The following L3MBTL4 variants were observed in gnomAD, a reference collection of about 807,000 sequenced individuals.
L3MBTL4 encodes the protein L3MBTL histone methyl-lysine binding protein 4, also known as lethal(3)malignant brain tumor-like protein 4.
Under a neutral mutation model 84.5 loss-of-function variants are expected in L3MBTL4, and 70 were observed. The ratio of observed to expected loss-of-function variants is 0.83; its 90% confidence interval spans 0.68 to 1.01. The LOEUF (loss-of-function observed/expected upper bound fraction) is 1.01, where lower values mean the gene tolerates loss of function less well. Ranked by LOEUF, L3MBTL4 falls within the 50% of genes least tolerant of loss-of-function variation. The pLI, the probability that L3MBTL4 is intolerant of heterozygous loss-of-function variation, is 0.00. For synonymous variants in L3MBTL4, 274 were observed against 259.8 expected (o/e 1.05, Z -0.52); for missense variants, 715 against 754.8 (o/e 0.95, Z 0.62).
intron 16 of L3MBTL4, chr18:6,029,290 G>A (rs909005391): frequency 1.1e-5 from 3 of 272,308 alleles, no homozygotes; most frequent in African/African-American, 2.3e-5. Flanking sequence ...TGTCTGCCCA[G>A]GAGTATGCTT....
chr18:6,188,092 C>A (rs1221982919), intron 12 of L3MBTL4, among the ~76,000 whole-genome samples: 1 of 151,946 alleles, frequency 6.6e-6, no homozygotes, highest in Non-Finnish European at 1.5e-5. Flanking sequence ...TCAAGTCTAT[C>A]CATTAATTCC....
chr18:6,255,336 C>T (rs528481763), intron 5 of L3MBTL4, among the ~76,000 whole-genome samples: 1 of 152,336 alleles, frequency 6.6e-6, no homozygotes, highest in East Asian at 1.9e-4. Context: ...AAAAAGCAGT[C>T]CTGATCTGAC....
At chr18:6,275,754 A>G (rs2049053303) in intron 4 of L3MBTL4, among the ~76,000 whole-genome samples, 1 of 152,220 alleles carries the variant, frequency 6.6e-6, no homozygotes, top group African/African-American at 2.4e-5. Flanking sequence ...GAAATCATCA[A>G]TGTTTTATTC....
chr18:6,340,968 T>G (rs920316397), intron 1 of L3MBTL4, among the ~76,000 whole-genome samples: 2 of 152,060 alleles, frequency 1.3e-5, no homozygotes, highest in Non-Finnish European at 2.9e-5. Context: ...AGGCCTGGCT[T>G]TGTGGGATTG....
In L3MBTL4 at chr18:5,955,177, C is replaced by A. The variant is rs1415120369; in HGVS notation, c.*1043G>T. ...TGGGACTGATTCCACACAACTTAAG[C>A]CTCCGATACAATCACTTACAAAAAA... is the stretch of plus-strand genomic sequence containing the variant. On this transcript the variant is annotated 3_prime_UTR_variant, in exon 19 of 19. Transcript: ENST00000317931. 1.3e-5 allele frequency: 2 copies of A among 152,326 alleles called. No homozygotes were observed. The highest frequency in any genetic ancestry group is 2.1e-4 in the South Asian group (1 of 4,824). 9.4% of individuals were successfully genotyped at this position (152,326 alleles called of 1,614,324 possible). A position where few individuals can be genotyped will look rare whatever the true frequency, so the allele number is the denominator to read the frequency against.
intron 1 of L3MBTL4, among the ~76,000 whole-genome samples, chr18:6,336,044 C>T (rs1330034618): frequency 6.6e-6 from 1 of 152,066 alleles, no homozygotes; most frequent in Non-Finnish European, 1.5e-5. Context: ...CACAGGCCAG[C>T]CCTGTGATGT....
At chr18:6,345,215 C>CAAAAAAAAAA (rs35502624) in intron 1 of L3MBTL4, among the ~76,000 whole-genome samples, 34 of 38,394 alleles carry the variant, frequency 8.9e-4, no homozygotes, top group South Asian at 1.2e-3. Flanking sequence ...TACTAAAATA[C>CAAAAAAAAAA]AAAAAAAAAA....
intron 10 of L3MBTL4, among the ~76,000 whole-genome samples, chr18:6,230,326 TG>T (rs2046944993): frequency 6.6e-6 from 1 of 152,152 alleles, no homozygotes; most frequent in South Asian, 2.1e-4. Context: ...AGTGAGAACA[TG>T]GGATATTCTG....
At chr18:6,238,646 G>T (rs1373125310) in intron 9 of L3MBTL4, among the ~76,000 whole-genome samples, 3 of 152,158 alleles carry the variant, frequency 2.0e-5, no homozygotes, top group Non-Finnish European at 1.5e-5. Context: ...CTTCTTGCTG[G>T]CAGCAAGAGA....
chr18:6,295,346 C>CTCTATATATATATATATATA (rs1261475809), intron 4 of L3MBTL4, among the ~76,000 whole-genome samples: 2 of 81,386 alleles, frequency 2.5e-5, no homozygotes, highest in African/African-American at 1.3e-4. Context: ...CTCTCTCTCT[C>CTCTATATATATATATATATA]TATATATATA....
chr18:6,237,589 G>T (rs1353155933), intron 10 of L3MBTL4, among the ~76,000 whole-genome samples: 1 of 151,066 alleles, frequency 6.6e-6, no homozygotes, highest in Non-Finnish European at 1.5e-5. Flanking sequence ...CCAAGTAGCT[G>T]GGATTACAGG....
At chr18:6,284,298 A>T (rs2049458318) in intron 4 of L3MBTL4, among the ~76,000 whole-genome samples, 1 of 152,204 alleles carries the variant, frequency 6.6e-6, no homozygotes, top group Admixed American at 6.5e-5. Flanking sequence ...GCAAAGCCAC[A>T]TCACCAATTC....
intron 16 of L3MBTL4, among the ~76,000 whole-genome samples, chr18:6,058,146 T>C (rs948701599): frequency 1.3e-5 from 2 of 152,250 alleles, no homozygotes; most frequent in African/African-American, 4.8e-5. Flanking sequence ...TTCTTCTCCT[T>C]AGACATAAGG....
At chr18:6,024,879 C>T (rs1323411812) in intron 16 of L3MBTL4, among the ~76,000 whole-genome samples, 1 of 152,182 alleles carries the variant, frequency 6.6e-6, no homozygotes, top group Non-Finnish European at 1.5e-5. Flanking sequence ...TTCTGGTATG[C>T]AGTTTATGAC....
chr18:6,018,224 G>A (rs554953662), intron 16 of L3MBTL4, among the ~76,000 whole-genome samples: 5 of 152,230 alleles, frequency 3.3e-5, no homozygotes, highest in East Asian at 3.9e-4. Flanking sequence ...AAGTCGAACC[G>A]AGGCTGCCCA....
chr18:6,324,853 C>T (rs761852905), intron 1 of L3MBTL4, among the ~76,000 whole-genome samples: 1 of 151,972 alleles, frequency 6.6e-6, no homozygotes, highest in Admixed American at 6.6e-5. Flanking sequence ...ACAATCTACA[C>T]AAAAAAAGGG....
chr18:5,958,940 C>G (rs2144631453), intron 18 of L3MBTL4, among the ~76,000 whole-genome samples: 1 of 152,326 alleles, frequency 6.6e-6, no homozygotes, highest in South Asian at 2.1e-4. Flanking sequence ...AAGCCTTGAT[C>G]ATCGCTACCT....
chr18:6,281,650 A>G (rs1265954145), intron 4 of L3MBTL4, among the ~76,000 whole-genome samples: 1 of 152,182 alleles, frequency 6.6e-6, no homozygotes, highest in Non-Finnish European at 1.5e-5. Flanking sequence ...AACAAAATAG[A>G]ATTTTCTTGT....
chr18:6,136,615 C>T (rs1349890983), intron 14 of L3MBTL4, among the ~76,000 whole-genome samples: 1 of 152,170 alleles, frequency 6.6e-6, no homozygotes, highest in Non-Finnish European at 1.5e-5. Context: ...ACCGATCAGA[C>T]TGACTGTGGC....
Sources: allele counts gnomAD v4.1 joint callset (sites outside exome capture counted in the v4.1 genomes callset), GRCh38; gene constraint gnomAD v4.1.1; transcripts MANE v1.5; gene names NCBI Gene and HGNC (gene_info 2026-07-23, HGNC 2026-07-21).